The following INSL6 variants were observed in gnomAD, a reference collection of about 807,000 sequenced individuals.
INSL6 encodes the protein insulin like 6, also known as insulin-like peptide INSL6.
INSL6 carries 16 observed loss-of-function variants against 9.4 expected under a neutral mutation model. The ratio of observed to expected loss-of-function variants is 1.70; its 90% CI spans 1.15 to 2.59. INSL6 has a LOEUF of 2.59. Among genes scored for constraint, INSL6 ranks in the 30% most tolerant of loss-of-function variants. The probability of loss-of-function intolerance (pLI) is 0.00; values close to 1 mark genes in which losing one functional copy is unlikely to be tolerated. For synonymous variants in INSL6, 154 were observed against 96.9 expected (o/e 1.59, Z -3.46); for missense variants, 391 against 257.3 (o/e 1.52, Z -3.56).
At chr9:5,090,432 CTTT>C in the INSL6 span, 2 of 1,513,038 alleles carry the variant, frequency 1.3e-6, no homozygotes, top group Non-Finnish European at 1.8e-6. Flanking sequence ...TTATTTCCAC[CTTT>C]ATGTTAAAAG....
chr9:5,099,988 G>T, the INSL6 span: 1 of 152,160 alleles, frequency 6.6e-6, no homozygotes, highest in Admixed American at 6.5e-5. Context: ...AGTAATCATT[G>T]AAACCATTAG....
chr9:5,091,061 CTTATAGTCATGG>C, the INSL6 span: 1 of 574,330 alleles, frequency 1.7e-6, no homozygotes, highest in South Asian at 2.6e-5. Context: ...TTTTTTAGGT[CTTATAGTCATGG>C]TTATAGTCCA....
the INSL6 span, among the ~76,000 whole-genome samples, chr9:5,076,986 A>G: frequency 6.6e-6 from 1 of 151,936 alleles, no homozygotes; most frequent in Non-Finnish European, 1.5e-5. Context: ...ACATTTCTGT[A>G]TTTTTTGCAG....
intron 1 of INSL6, among the ~76,000 whole-genome samples, chr9:5,169,966 A>G (rs1391851118): frequency 1.3e-5 from 2 of 152,206 alleles, no homozygotes; most frequent in Non-Finnish European, 2.9e-5. Flanking sequence ...GTTGAGACAG[A>G]AAATTAACAA....
At chr9:5,047,696 T>C in the INSL6 span, among the ~76,000 whole-genome samples, 1 of 152,202 alleles carries the variant, frequency 6.6e-6, no homozygotes, top group Non-Finnish European at 1.5e-5. Context: ...CTCCAGTGAT[T>C]GTCTTGCTTC....
chr9:5,024,228 C>G, the INSL6 span, among the ~76,000 whole-genome samples: 3 of 152,124 alleles, frequency 2.0e-5, no homozygotes, highest in Non-Finnish European at 4.4e-5. Context: ...TGCACTCCAG[C>G]CTGGGCGACA....
the INSL6 span, among the ~76,000 whole-genome samples, chr9:5,086,890 C>G: frequency 6.6e-6 from 1 of 152,194 alleles, no homozygotes. Flanking sequence ...ATGTTCATAT[C>G]TTTTAAACTA....
chr9:5,058,832 ATCT>A, the INSL6 span, among the ~76,000 whole-genome samples: 1 of 152,126 alleles, frequency 6.6e-6, no homozygotes, highest in African/African-American at 2.4e-5. Flanking sequence ...CCATTTGTAT[ATCT>A]TCTTTGAAGA....
At chr9:4,998,687 A>G in the INSL6 span, among the ~76,000 whole-genome samples, 3 of 152,032 alleles carry the variant, frequency 2.0e-5, no homozygotes, top group Non-Finnish European at 4.4e-5. Flanking sequence ...GTCATCATTA[A>G]GCATGATTCT....
intron 2 of INSL6, among the ~76,000 whole-genome samples, chr9:5,158,238 C>T (rs1208200002): frequency 1.3e-5 from 2 of 152,112 alleles, no homozygotes; most frequent in South Asian, 2.1e-4. Flanking sequence ...AAAAGTTCTT[C>T]GCCTTGAAAG....
chr9:5,071,224 G>A, the INSL6 span, among the ~76,000 whole-genome samples: 2 of 152,006 alleles, frequency 1.3e-5, no homozygotes, highest in African/African-American at 4.8e-5. Flanking sequence ...TCTTAACCTA[G>A]GCAACCCATA....
chr9:5,068,818 T>C, the INSL6 span, among the ~76,000 whole-genome samples: 1 of 152,226 alleles, frequency 6.6e-6, no homozygotes, highest in Non-Finnish European at 1.5e-5. Context: ...TAAAATCAAC[T>C]TTTAAACCAC....
chr9:5,155,732 A>G (rs1824802683), intron 2 of INSL6, among the ~76,000 whole-genome samples: 1 of 150,172 alleles, frequency 6.7e-6, no homozygotes, highest in Non-Finnish European at 1.5e-5. Flanking sequence ...GAACACATGG[A>G]CACAGGGAGG....
chr9:5,111,603 G>A, the INSL6 span: 2 of 368,652 alleles, frequency 5.4e-6, no homozygotes, highest in South Asian at 2.0e-5. Context: ...AGTTCCCTGG[G>A]CCAGGTGGGC....
At chr9:5,105,407 A>T in the INSL6 span, among the ~76,000 whole-genome samples, 1 of 152,228 alleles carries the variant, frequency 6.6e-6, no homozygotes, top group African/African-American at 2.4e-5. Flanking sequence ...GCTCAATGAA[A>T]TACAAGAGGA....
At chr9:5,054,456 G>A in the INSL6 span, 1 of 867,248 alleles carries the variant, frequency 1.2e-6, no homozygotes, top group South Asian at 1.7e-5. The surrounding 1 kb of genome is among the most constrained non-coding windows in gnomAD (Gnocchi z 4.9). Flanking sequence ...TGTGTTGTAA[G>A]GCCTACTTAA....
At chr9:5,078,382 G>C in the INSL6 span, 2 of 1,613,002 alleles carry the variant, frequency 1.2e-6, no homozygotes, top group Admixed American at 3.3e-5. Context: ...AGGAAGACAG[G>C]AAATCCTCCT....
chr9:5,077,944 G>C, the INSL6 span, among the ~76,000 whole-genome samples: 4 of 152,084 alleles, frequency 2.6e-5, no homozygotes, highest in Admixed American at 2.0e-4. Flanking sequence ...AGAATACCAG[G>C]GGGACTGCCA....
chr9:5,112,370 G>A, the INSL6 span: 412 of 400,090 alleles, frequency 1.0e-3, 1 homozygote, highest in African/African-American at 8.3e-3. Flanking sequence ...GCTAGGGCGA[G>A]CAGGCCACTG....
Sources: gnomAD v4.1 joint callset for allele counts (sites outside exome capture counted in the v4.1 genomes callset) on GRCh38, gnomAD v4.1.1 for gene constraint, Gnocchi (gnomAD v3.1) non-coding constraint, MANE v1.5 for transcripts, NCBI Gene and HGNC (gene_info 2026-07-23, HGNC 2026-07-21) for gene names.